The following DAAM1 variants were observed in gnomAD, a reference collection of about 807,000 sequenced individuals.
The protein encoded by DAAM1 is dishevelled associated activator of morphogenesis 1.
In DAAM1, 52 loss-of-function variants were observed where a neutral mutation model predicts 130.0. The ratio of observed to expected loss-of-function variants is 0.40; its 90% CI spans 0.32 to 0.50. DAAM1 has a LOEUF of 0.50. Among genes scored for constraint, DAAM1 ranks in the 20% least tolerant of loss-of-function variants. The probability of loss-of-function intolerance (pLI) is 0.61; values close to 1 mark genes in which losing one functional copy is unlikely to be tolerated. For synonymous variants in DAAM1, 452 were observed against 444.5 expected (o/e 1.02, Z -0.21); for missense variants, 1,134 against 1,303.8 (o/e 0.87, Z 2.01).
intron 1 of DAAM1, among the ~76,000 whole-genome samples, chr14:59,221,156 C>T (rs547801113): frequency 1.3e-5 from 2 of 152,318 alleles, no homozygotes; most frequent in Admixed American, 6.5e-5. Context: ...GCACTTATCC[C>T]TTCTCTGGAA....
At chr14:59,190,941 A>G (rs934302257) in intron 1 of DAAM1, among the ~76,000 whole-genome samples, 1 of 152,326 alleles carries the variant, frequency 6.6e-6, no homozygotes, top group Non-Finnish European at 1.5e-5. Flanking sequence ...CTATTATTCC[A>G]GTATCTGGAC....
At chr14:59,248,340 TTTG>T (rs796779629) in intron 1 of DAAM1, among the ~76,000 whole-genome samples, 101 of 151,734 alleles carry the variant, frequency 6.7e-4, no homozygotes, top group Non-Finnish European at 1.0e-3. Context: ...TTTGTTTTGT[TTTG>T]TTTTGTTTTG....
chr14:59,252,252 G>A (rs1307752999), intron 1 of DAAM1, among the ~76,000 whole-genome samples: 1 of 152,084 alleles, frequency 6.6e-6, no homozygotes, highest in Non-Finnish European at 1.5e-5. Context: ...ACCACTTCTT[G>A]GCCAGAGAAG....
At chr14:59,319,622 G>A (rs1315883031) in intron 4 of DAAM1, among the ~76,000 whole-genome samples, 1 of 152,220 alleles carries the variant, frequency 6.6e-6, no homozygotes, top group Admixed American at 6.5e-5. Context: ...ATGGATGGAG[G>A]ATCCTGGAGT....
intron 16 of DAAM1, among the ~76,000 whole-genome samples, chr14:59,340,397 A>G (rs1885799112): frequency 6.6e-6 from 1 of 152,078 alleles, no homozygotes; most frequent in Non-Finnish European, 1.5e-5. Context: ...ATTTCCACAG[A>G]CCTCTAAATG....
In DAAM1 at chr14:59,198,626, A is replaced by G. The variant is rs141972454; in HGVS notation, c.-38+9858A>G. 1.4e-4 allele frequency among the ~76,000 whole-genome samples: 21 copies of G among 152,258 alleles called. No homozygotes were observed. The East Asian group carries it at 3.9e-3, about 28-fold the overall frequency. The stretch of plus-strand genomic sequence containing the variant: ...AATGCTTCTGTTAGGGGATAAAGAG[A>G]TTTTACAACAGTGATGTGGGGCAAA... On this transcript the variant is annotated intron_variant, in intron 1 of 24. Transcript: ENST00000360909.
intron 23 of DAAM1, among the ~76,000 whole-genome samples, chr14:59,366,919 T>TAAA (rs377198440): frequency 1.4e-5 from 2 of 144,312 alleles, no homozygotes; most frequent in Admixed American, 6.9e-5. Flanking sequence ...CCCCATCTAT[T>TAAA]AAAAAAAAAA....
chr14:59,331,303 C>G lies in DAAM1; in HGVS notation c.1655C>G (p.Pro552Arg). Residue 552 changes from proline to arginine, a missense_variant, in exon 14 of 25, where the codon CCA becomes CGA. Physicochemically the swap from Pro to Arg is moderately radical, Grantham distance 103 (BLOSUM62 -2). This residue lies in a region of DAAM1 where 644 missense variants were observed against 695.9 expected (regional missense o/e 0.93). Transcript: ENST00000360909. ...SSVPGSLLPP[P>R]PPPPLPGGML... ...GTGCCTGGATCTCTCCTTCCTCCCC[C>G]ACCACCCCCACCTCTACCAGGTGGG... The G allele has an allele frequency of 6.2e-7, 1 of 1,612,124 alleles. No homozygotes were observed. The highest frequency in any genetic ancestry group is 8.5e-7 in the Non-Finnish European group (1 of 1,179,762).
intron 1 of DAAM1, among the ~76,000 whole-genome samples, chr14:59,229,590 C>G (rs773443379): frequency 3.3e-5 from 5 of 152,120 alleles, no homozygotes; most frequent in Non-Finnish European, 5.9e-5. Flanking sequence ...TTATTCTACT[C>G]TCATTTTTGA....
chr14:59,341,337 A>G (rs1364428777), intron 16 of DAAM1, among the ~76,000 whole-genome samples: 3 of 152,174 alleles, frequency 2.0e-5, no homozygotes, highest in African/African-American at 7.2e-5. Flanking sequence ...TAAAATATCT[A>G]TCTGCCTCAG....
chr14:59,208,773 G>GAT (rs1888341308), intron 1 of DAAM1, among the ~76,000 whole-genome samples: 1 of 152,142 alleles, frequency 6.6e-6, no homozygotes, highest in African/African-American at 2.4e-5. Context: ...CATGAGGGTA[G>GAT]ATCCCTCATG....
At chr14:59,359,913 A>G (rs1056201097) in intron 21 of DAAM1, among the ~76,000 whole-genome samples, 2 of 152,142 alleles carry the variant, frequency 1.3e-5, no homozygotes, top group Non-Finnish European at 2.9e-5. Context: ...GAAGAAACTA[A>G]AAATAAAATG....
At chr14:59,285,686 C>T (rs895971405) in intron 2 of DAAM1, among the ~76,000 whole-genome samples, 1 of 152,156 alleles carries the variant, frequency 6.6e-6, no homozygotes, top group African/African-American at 2.4e-5. Flanking sequence ...AAAGGCATTG[C>T]ATAATGATAA....
At chr14:59,231,196 A>G (rs1889095173) in intron 1 of DAAM1, among the ~76,000 whole-genome samples, 1 of 152,224 alleles carries the variant, frequency 6.6e-6, no homozygotes, top group African/African-American at 2.4e-5. Context: ...TTAATTGACA[A>G]ATCATAATTG....
intron 1 of DAAM1, among the ~76,000 whole-genome samples, chr14:59,201,718 C>G (rs557732041): frequency 4.6e-5 from 7 of 151,166 alleles, no homozygotes; most frequent in African/African-American, 7.3e-5. Context: ...CACTTGAACC[C>G]AGGAGGCAGA....
At chr14:59,304,418 C>T (rs1218858629) in intron 3 of DAAM1, among the ~76,000 whole-genome samples, 1 of 152,160 alleles carries the variant, frequency 6.6e-6, no homozygotes, top group Non-Finnish European at 1.5e-5. Flanking sequence ...TTGGGATTCT[C>T]AAAATTCCTT....
chr14:59,232,564 T>C (rs765165979), intron 1 of DAAM1, among the ~76,000 whole-genome samples: 9 of 152,148 alleles, frequency 5.9e-5, no homozygotes, highest in Non-Finnish European at 1.0e-4. Context: ...AGCCATGTAG[T>C]ATGTCTCTAC....
chr14:59,254,483 G>A (rs1881783277), intron 1 of DAAM1, among the ~76,000 whole-genome samples: 1 of 152,200 alleles, frequency 6.6e-6, no homozygotes, highest in African/African-American at 2.4e-5. Flanking sequence ...CTTAGAGACA[G>A]ATTGGAACCC....
At chr14:59,188,985 G>C (rs1288228063) in intron 1 of DAAM1, among the ~76,000 whole-genome samples, 1 of 152,194 alleles carries the variant, frequency 6.6e-6, no homozygotes, top group African/African-American at 2.4e-5. Flanking sequence ...CGGCTGCCTA[G>C]CTGGGGGTGG....
Sources: gnomAD v4.1 joint callset for allele counts (sites outside exome capture counted in the v4.1 genomes callset) on GRCh38, gnomAD v4.1.1 for gene constraint, gnomAD v4.1.1 regional missense constraint, MANE v1.5 for transcripts, NCBI Gene and HGNC (gene_info 2026-07-23, HGNC 2026-07-21) for gene names.